IL23R: variants seen among roughly 807,000 people sequenced by gnomAD.
IL23R encodes interleukin-23 receptor.
IL23R carries 34 observed loss-of-function variants against 56.9 expected under a neutral mutation model. That is an observed-to-expected ratio of 0.60 (90% CI 0.45 to 0.80). IL23R has a LOEUF of 0.80. Ranked by LOEUF, IL23R falls within the 30% of genes least tolerant of loss-of-function variation. The pLI is 0.00. For synonymous variants in IL23R, 230 were observed against 249.2 expected, an observed-to-expected ratio of 0.92 and a Z score of 0.73; for missense variants, 635 against 730.0, an observed-to-expected ratio of 0.87 and a Z score of 1.50.
chr1:67,240,528 G>A (rs1455373447), intron 9 of IL23R, among the ~76,000 whole-genome samples: 1 of 152,158 alleles, frequency 6.6e-6, no homozygotes, highest in Admixed American at 6.5e-5. Context: ...ACTTAAATGA[G>A]GCTTAAAGAG....
At chr1:67,178,583 C>T (rs1312783060) in intron 3 of IL23R, among the ~76,000 whole-genome samples, 1 of 152,170 alleles carries the variant, frequency 6.6e-6, no homozygotes, top group African/African-American at 2.4e-5. Flanking sequence ...ATTTGACTTC[C>T]TCTTTTCCTA....
chr1:67,242,739 T>C (rs1352392009), intron 9 of IL23R, among the ~76,000 whole-genome samples: 1 of 152,208 alleles, frequency 6.6e-6, no homozygotes, highest in African/African-American at 2.4e-5. Context: ...AGGGGTTGAT[T>C]GTCCTCAGTG....
chr1:67,201,568 A>G (rs1648639116), intron 5 of IL23R, among the ~76,000 whole-genome samples: 1 of 151,814 alleles, frequency 6.6e-6, no homozygotes, highest in Non-Finnish European at 1.5e-5. Context: ...AAAAAAAACA[A>G]AAAAACACTA....
At chr1:67,192,278 C>G (rs1647810292) in intron 4 of IL23R, among the ~76,000 whole-genome samples, 1 of 152,166 alleles carries the variant, frequency 6.6e-6, no homozygotes, top group Non-Finnish European at 1.5e-5. Context: ...TAGTGATAAA[C>G]CTTATCAAAG....
At chr1:67,261,651 A>C, downstream of IL23R, among the ~76,000 whole-genome samples, 1 of 152,186 alleles carries the variant, frequency 6.6e-6, no homozygotes. Flanking sequence ...GTAGCCAAGA[A>C]GGAGGTAGCA....
intron 2 of IL23R, 35 bp from the exon 3 acceptor site, chr1:67,169,307 T>C: frequency 6.9e-7 from 1 of 1,453,216 alleles, no homozygotes; most frequent in Non-Finnish European, 9.6e-7. Context: ...TTTAATGTTT[T>C]ACGTGTAATT....
At chr1:67,207,641 TAAG>T (rs1649172777) in intron 6 of IL23R, 1 of 401,672 alleles carries the variant, frequency 2.5e-6, no homozygotes, top group East Asian at 8.2e-5. Context: ...CACCACTAAG[TAAG>T]AAGAGCCTTT....
intron 4 of IL23R, among the ~76,000 whole-genome samples, chr1:67,192,441 C>G (rs1225255979): frequency 6.6e-6 from 1 of 152,138 alleles, no homozygotes; most frequent in African/African-American, 2.4e-5. Context: ...AACTTTCACA[C>G]CTAGGACCTT....
intron 9 of IL23R, among the ~76,000 whole-genome samples, chr1:67,240,759 T>A (rs1651792085): frequency 6.6e-6 from 1 of 152,322 alleles, no homozygotes; most frequent in African/African-American, 2.4e-5. Context: ...GAGCAATGAA[T>A]GTGCGAATTG....
intron 6 of IL23R, among the ~76,000 whole-genome samples, chr1:67,217,472 G>A (rs1418035425): frequency 6.6e-6 from 1 of 151,964 alleles, no homozygotes; most frequent in African/African-American, 2.4e-5. Flanking sequence ...CCTTTAAGAG[G>A]ACTTATCTAT....
At chr1:67,232,630 T>G (rs1056924009) in intron 7 of IL23R, among the ~76,000 whole-genome samples, 5 of 152,184 alleles carry the variant, frequency 3.3e-5, no homozygotes, top group Admixed American at 1.3e-4. Flanking sequence ...TCTGTGTGAT[T>G]GGGTTGTTGT....
chr1:67,182,996 C>T (rs768228798), intron 4 of IL23R, 37 bp downstream of exon 4: 6 of 1,612,212 alleles, frequency 3.7e-6, no homozygotes, highest in Non-Finnish European at 4.2e-6. Flanking sequence ...TAAGCAGTTC[C>T]ACCCCAGTTC....
At chr1:67,154,639 C>T (rs904267959) in intron 1 of IL23R, among the ~76,000 whole-genome samples, 2 of 151,788 alleles carry the variant, frequency 1.3e-5, no homozygotes, top group African/African-American at 4.8e-5. Context: ...TTTCCGTTTG[C>T]TTGGTAAATA....
intron 5 of IL23R, among the ~76,000 whole-genome samples, chr1:67,204,350 T>C (rs1223587546): frequency 6.6e-6 from 1 of 152,192 alleles, no homozygotes; most frequent in Non-Finnish European, 1.5e-5. Flanking sequence ...TAAGATCTGG[T>C]GGAAATATGT....
chr1:67,237,565 C>A (rs1651566019), intron 8 of IL23R, among the ~76,000 whole-genome samples: 1 of 152,150 alleles, frequency 6.6e-6, no homozygotes, highest in Admixed American at 6.5e-5. Flanking sequence ...GACTAAAATT[C>A]AAATCCTTTT....
chr1:67,180,804 G>A (rs1334352450), intron 3 of IL23R, among the ~76,000 whole-genome samples: 3 of 152,048 alleles, frequency 2.0e-5, no homozygotes, highest in African/African-American at 4.8e-5. Flanking sequence ...AGCTCTTTTA[G>A]GGCAGGCCTG....
At chr1:67,228,036 TTTCTTTC>T in intron 7 of IL23R, among the ~76,000 whole-genome samples, 1 of 80,294 alleles carries the variant, frequency 1.2e-5, no homozygotes, top group African/African-American at 5.2e-5. Flanking sequence ...CTTTCTTTTC[TTTCTTTC>T]TCTTTCTTTC....
chr1:67,163,468 C>CAAAAAAAAAAAAAAAAAAAAAAA (rs57495148), upstream of IL23R, among the ~76,000 whole-genome samples: 1 of 49,586 alleles, frequency 2.0e-5, no homozygotes, highest in African/African-American at 9.7e-5. Flanking sequence ...GACCCTGTCT[C>CAAAAAAAAAAAAAAAAAAAAAAA]AAAAAAAAAA....
At chr1:67,142,175 T>A (rs547446982) in intron 1 of IL23R, among the ~76,000 whole-genome samples, 11 of 152,240 alleles carry the variant, frequency 7.2e-5, no homozygotes, top group Middle Eastern at 6.8e-3. Flanking sequence ...TTTTCTTACA[T>A]ACAACTGAGT....
Sources: gnomAD v4.1 joint callset for allele counts (sites outside exome capture counted in the v4.1 genomes callset) on GRCh38, gnomAD v4.1.1 for gene constraint, MANE v1.5 for transcripts, NCBI Gene and HGNC (gene_info 2026-07-23, HGNC 2026-07-21) for gene names.